Variants in SCN3A observed in about 807,000 individuals in gnomAD.
SCN3A encodes the protein sodium voltage-gated channel alpha subunit 3.
SCN3A carries 60 observed loss-of-function variants against 187.6 expected under a neutral mutation model. That is an observed-to-expected ratio of 0.32 (90% CI 0.26 to 0.40). The LOEUF (loss-of-function observed/expected upper bound fraction) is 0.40. Among genes scored for constraint, SCN3A ranks in the 10% least tolerant of loss-of-function variants. The probability of loss-of-function intolerance (pLI) is 1.00; values close to 1 mark genes in which losing one functional copy is unlikely to be tolerated. For missense variants in SCN3A, 1,601 were observed against 2,428.2 expected, an observed-to-expected ratio of 0.66 and a Z score of 7.16; for synonymous variants, 788 against 829.2, an observed-to-expected ratio of 0.95 and a Z score of 0.85.
intron 1 of SCN3A, chr2:165,195,423 A>G (rs888171277): frequency 6.6e-5 from 10 of 152,188 alleles, no homozygotes; most frequent in African/African-American, 2.4e-4. Context: ...TTTAAAAATT[A>G]ACAGACTTTT....
At chr2:165,132,134 T>C (rs1310314906) in intron 15 of SCN3A, among the ~76,000 whole-genome samples, 1 of 152,034 alleles carries the variant, frequency 6.6e-6, no homozygotes, top group South Asian at 2.1e-4. Flanking sequence ...TAAAAGAGGA[T>C]ACAAACAAAT....
At position 165,203,766 on chromosome 2, in the gene SCN3A, A is replaced by G. The variant is rs564691399; in HGVS notation, c.-248+57T>C. 1.1e-4 allele frequency: 16 copies of G among 152,124 alleles called. No individual in the cohort carries two copies. The South Asian group carries it at 2.9e-3, about 28-fold the overall frequency. The allele number at this position is 152,124 out of a possible 1,614,324, so 9.4% of individuals were successfully genotyped here. ...CATGAAGATGATTTTAAAGTAAGGAAAATGACCTGGTAGCTAGGTTCTATG... is the reference window on the plus strand; with the variant it reads ...CATGAAGATGATTTTAAAGTAAGGAGAATGACCTGGTAGCTAGGTTCTATG... On this transcript the variant is annotated intron_variant, in intron 1 of 27. Transcript: ENST00000283254.
chr2:165,149,213 T>C (rs1035723979), intron 11 of SCN3A, among the ~76,000 whole-genome samples: 3 of 151,406 alleles, frequency 2.0e-5, no homozygotes, highest in Non-Finnish European at 4.4e-5. Flanking sequence ...TCTCACTCTG[T>C]CGCCCAGGCT....
At chr2:165,123,834 T>C (rs899744129) in intron 18 of SCN3A, among the ~76,000 whole-genome samples, 1 of 152,162 alleles carries the variant, frequency 6.6e-6, no homozygotes, top group African/African-American at 2.4e-5. Context: ...TATTAGAACA[T>C]GCTGGTATTG....
At chr2:165,146,591 A>G in intron 12 of SCN3A, 148 bp downstream of exon 12, 1 of 767,764 alleles carries the variant, frequency 1.3e-6, no homozygotes, top group Non-Finnish European at 2.1e-6. Flanking sequence ...AAGACAATCT[A>G]TTATAAGAAT....
At position 165,090,615 on chromosome 2, in the gene SCN3A, C is replaced by A. The variant is rs2105618603; in HGVS notation, c.5538G>T (p.Arg1846=). 1.2e-6 allele frequency: 2 copies of A among 1,614,022 alleles called. No individual in the cohort carries two copies. The highest frequency in any genetic ancestry group is 1.3e-5 in the African/African-American group (1 of 75,004). ...CAAATAAAATATCAAGACAGTGGAT[C>A]CGGTCACCACTGACCATGGGCAGAT... ...AMDLPMVSGD[R]IHCLDILFAF... The change falls in exon 28 of 28, where the codon CGG becomes CGT. Residue 1846 remains arginine, a synonymous_variant. Coordinates refer to ENST00000283254, the MANE Select transcript of SCN3A (RefSeq NM_006922.4). The surrounding 1 kb of genome is among the most constrained non-coding windows in gnomAD (Gnocchi z 4.0).
At chr2:165,152,912 A>T (rs2105854308) in intron 11 of SCN3A, among the ~76,000 whole-genome samples, 1 of 152,164 alleles carries the variant, frequency 6.6e-6, no homozygotes, top group East Asian at 1.9e-4. Context: ...CTAGAACTTA[A>T]AGTATAATAA....
rs1056441967 is a variant in SCN3A at position 165,168,812 on chromosome 2, G to A, written c.397C>T (p.Leu133Phe). ...KILVHSLFSMLIMCTILTNCV... is the reference protein window; with the variant it reads ...KILVHSLFSMFIMCTILTNCV... The stretch of plus-strand genomic sequence containing the variant: ...TTGGTCAAAATAGTGCACATGATAA[G>A]CATGCTGAATAAAGTAGATTATAGT... Residue 133 changes from leucine (L) to phenylalanine (F), a missense_variant, in exon 5 of 28, where the codon CTT becomes TTT. Physicochemically the swap from Leu to Phe is conservative, Grantham distance 22. Around this residue, in one of 11 missense-constraint regions of SCN3A, gnomAD observed 122 missense variants for 225.1 expected, o/e 0.54. Transcript: ENST00000283254. 20 of 1,610,114 alleles carry A rather than the reference G, an allele frequency of 1.2e-5. No individual in the cohort carries two copies. Among genetic ancestry groups the A allele is most frequent in the Non-Finnish European group, 1.7e-5 (20 of 1,176,838 alleles).
At chr2:165,091,924 C>T (rs1685126794) in intron 27 of SCN3A, 5 of 378,836 alleles carry the variant, frequency 1.3e-5, no homozygotes, top group South Asian at 1.2e-4. Flanking sequence ...CTTACAATAC[C>T]AACTTTATTG....
At chr2:165,111,539 A>T (rs978296045) in intron 21 of SCN3A, among the ~76,000 whole-genome samples, 1 of 151,028 alleles carries the variant, frequency 6.6e-6, no homozygotes, top group African/African-American at 2.4e-5. Flanking sequence ...ACATTTACCT[A>T]TTACAACTAA....
chr2:165,127,940 T>C lies in SCN3A; in HGVS notation c.3084A>G (p.Lys1028=), dbSNP rs767052591. ...TAACTTTTGGCTTTCTAAAAAAGGCTTTTTGGAAACACTCCCGCATCTTAT... is the reference window on the plus strand; with the variant it reads ...TAACTTTTGGCTTTCTAAAAAAGGCCTTTTGGAAACACTCCCGCATCTTAT... The part of the protein sequence containing the change: ...VKNKMRECFQ[K]AFFRKPKVIE... Residue 1028 remains lysine, a synonymous_variant, in exon 18 of 28, where the codon AAA becomes AAG. Transcript: ENST00000283254. 1.1e-5 allele frequency: 17 copies of C among 1,613,974 alleles called. No homozygotes were observed. Among genetic ancestry groups the C allele is most frequent in the Non-Finnish European group, 1.2e-5 (14 of 1,180,018 alleles).
intron 11 of SCN3A, among the ~76,000 whole-genome samples, chr2:165,147,593 T>G (rs916833093): frequency 6.6e-6 from 1 of 152,228 alleles, no homozygotes; most frequent in African/African-American, 2.4e-5. Context: ...CATTTAGGAC[T>G]GTAGTTCACA....
chr2:165,172,289 G>A (rs561834475), intron 3 of SCN3A, among the ~76,000 whole-genome samples: 2 of 152,128 alleles, frequency 1.3e-5, no homozygotes, highest in African/African-American at 4.8e-5. Context: ...TTGCCTTTTT[G>A]TATTTAAGAC....
intron 21 of SCN3A, among the ~76,000 whole-genome samples, chr2:165,108,843 G>A (rs1685982046): frequency 6.6e-6 from 1 of 152,098 alleles, no homozygotes; most frequent in Non-Finnish European, 1.5e-5. Context: ...GAATTGTACA[G>A]AATCTGAAAA....
At chr2:165,181,818 A>T (rs1343344291) in intron 2 of SCN3A, among the ~76,000 whole-genome samples, 1 of 152,220 alleles carries the variant, frequency 6.6e-6, no homozygotes, top group Non-Finnish European at 1.5e-5. Context: ...GACAACTAGG[A>T]CACTTCAGTA....
At chr2:165,148,355 A>G (rs563089320) in intron 11 of SCN3A, among the ~76,000 whole-genome samples, 24 of 152,108 alleles carry the variant, frequency 1.6e-4, no homozygotes, top group Non-Finnish European at 3.2e-4. Flanking sequence ...ATCATAAAAG[A>G]CTGTCATAAC....
chr2:165,138,167 T>C (rs1004496110), intron 14 of SCN3A, 50 bp from the exon 15 acceptor site: 1 of 1,291,232 alleles, frequency 7.7e-7, no homozygotes, highest in Admixed American at 1.7e-5. Context: ...AAAAATGAGT[T>C]ATTATTGCTA....
At chr2:165,166,693 TG>T (rs967575126) in intron 5 of SCN3A, among the ~76,000 whole-genome samples, 3 of 152,146 alleles carry the variant, frequency 2.0e-5, no homozygotes, top group African/African-American at 7.2e-5. Flanking sequence ...ACCCAGGGTT[TG>T]GGGTAGTAAC....
intron 18 of SCN3A, among the ~76,000 whole-genome samples, chr2:165,118,015 T>C (rs1325662454): frequency 6.6e-6 from 1 of 152,218 alleles, no homozygotes; most frequent in African/African-American, 2.4e-5. Flanking sequence ...CAAGTCCTAA[T>C]AACCACTAAC....
Sources: allele counts gnomAD v4.1 joint callset (sites outside exome capture counted in the v4.1 genomes callset), GRCh38; gene constraint gnomAD v4.1.1; regional missense constraint gnomAD v4.1.1; non-coding constraint Gnocchi (gnomAD v3.1); transcripts MANE v1.5; gene names NCBI Gene and HGNC (gene_info 2026-07-23, HGNC 2026-07-21).